Variants in SDK1 observed in about 807,000 individuals in gnomAD.
SDK1 encodes protein sidekick-1.
SDK1 carries 157 observed loss-of-function variants against 245.5 expected under a neutral mutation model. That is an observed-to-expected ratio of 0.64 (90% CI 0.56 to 0.73). The LOEUF is 0.73. SDK1 is among the 30% of genes least tolerant of loss of function. SDK1 has a pLI of 0.00. For missense variants in SDK1, 3,583 were observed against 3,002.3 expected (o/e 1.19, Z -4.52); for synonymous variants, 1,647 against 1,278.5 (o/e 1.29, Z -6.15).
At chr7:4,248,417 A>G (rs1787053417) in intron 44 of SDK1, among the ~76,000 whole-genome samples, 1 of 151,996 alleles carries the variant, frequency 6.6e-6, no homozygotes, top group Admixed American at 6.6e-5. Context: ...ACATACACAC[A>G]TGCACACACG....
At chr7:4,034,338 T>G (rs972332657) in intron 17 of SDK1, among the ~76,000 whole-genome samples, 2 of 152,150 alleles carry the variant, frequency 1.3e-5, no homozygotes, top group Non-Finnish European at 2.9e-5. Flanking sequence ...AAACCGTAGA[T>G]TAGATGGCAG....
intron 1 of SDK1, among the ~76,000 whole-genome samples, chr7:3,553,954 G>C (rs1307998954): frequency 1.3e-5 from 2 of 152,178 alleles, no homozygotes; most frequent in Non-Finnish European, 2.9e-5. Context: ...CGGGCACAAA[G>C]AATGCTGCAA....
chr7:4,001,349 C>T (rs774061462), intron 14 of SDK1, among the ~76,000 whole-genome samples: 2 of 152,236 alleles, frequency 1.3e-5, no homozygotes, highest in Non-Finnish European at 2.9e-5. Context: ...CCTGCCCCTT[C>T]TCTGGAGGGA....
At chr7:4,074,191 C>A (rs1021254750) in intron 20 of SDK1, among the ~76,000 whole-genome samples, 1 of 152,006 alleles carries the variant, frequency 6.6e-6, no homozygotes, top group Non-Finnish European at 1.5e-5. Context: ...AGTAAACTTT[C>A]ATCTTAGACT....
At chr7:3,917,786 C>T (rs946153156) in intron 5 of SDK1, among the ~76,000 whole-genome samples, 1 of 151,762 alleles carries the variant, frequency 6.6e-6, no homozygotes, top group Non-Finnish European at 1.5e-5. Context: ...CTGCTACATA[C>T]ATGCACATTA....
chr7:3,857,104 G>A (rs1423275039), intron 5 of SDK1, among the ~76,000 whole-genome samples: 1 of 152,054 alleles, frequency 6.6e-6, no homozygotes, highest in African/African-American at 2.4e-5. Context: ...ATTACTCTTA[G>A]TCACCTGGGT....
intron 35 of SDK1, among the ~76,000 whole-genome samples, chr7:4,205,392 C>T (rs1784159711): frequency 6.6e-6 from 1 of 152,118 alleles, no homozygotes; most frequent in South Asian, 2.1e-4. Context: ...GCCGATAGAG[C>T]CGCAGTGACC....
chr7:3,639,129 G>A lies in SDK1; in HGVS notation c.565+19G>A. 1.4e-6 allele frequency: 2 copies of A among 1,425,256 alleles called. No homozygotes were observed. The highest frequency in any genetic ancestry group is 1.9e-6 in the Non-Finnish European group (2 of 1,026,144). 88.3% of individuals were successfully genotyped at this position (1,425,256 alleles called of 1,614,324 possible). A position where few individuals can be genotyped will look rare whatever the true frequency, so the allele number is the denominator to read the frequency against. On this transcript the variant is annotated intron_variant, in intron 3 of 44. Transcript: ENST00000404826. ...GTCGCATGTATGTGTACAGTAAGGAGATGTCCAAATGTTAAAGAACAAAGT... is the reference window on the plus strand; with the variant it reads ...GTCGCATGTATGTGTACAGTAAGGAAATGTCCAAATGTTAAAGAACAAAGT...
intron 1 of SDK1, among the ~76,000 whole-genome samples, chr7:3,344,052 T>G (rs982300588): frequency 2.7e-5 from 4 of 148,930 alleles, no homozygotes; most frequent in Admixed American, 6.7e-5. Context: ...AATGCATGTA[T>G]ATTTTCACTA....
At chr7:3,336,199 C>A (rs1246511613) in intron 1 of SDK1, among the ~76,000 whole-genome samples, 2 of 152,184 alleles carry the variant, frequency 1.3e-5, no homozygotes, top group Non-Finnish European at 2.9e-5. Flanking sequence ...TCCTCCCTTC[C>A]CAGGCTTCGA....
intron 33 of SDK1, among the ~76,000 whole-genome samples, chr7:4,175,407 C>A (rs1282094256): frequency 6.6e-6 from 1 of 152,226 alleles, no homozygotes; most frequent in Non-Finnish European, 1.5e-5. Context: ...CTCCTCCAGC[C>A]GGGGCTCCCT....
At chr7:3,334,070 A>G (rs1011085937) in intron 1 of SDK1, among the ~76,000 whole-genome samples, 3 of 152,138 alleles carry the variant, frequency 2.0e-5, no homozygotes. Flanking sequence ...GGACCATACC[A>G]TTTGTGTTTT....
intron 14 of SDK1, among the ~76,000 whole-genome samples, chr7:4,008,442 G>A (rs1022195511): frequency 2.6e-5 from 4 of 152,368 alleles, no homozygotes; most frequent in Middle Eastern, 3.4e-3. Flanking sequence ...AAAGGGGCAC[G>A]AGAGCCTTTA....
intron 4 of SDK1, among the ~76,000 whole-genome samples, chr7:3,776,821 T>C (rs371677060): frequency 6.6e-6 from 1 of 152,212 alleles, no homozygotes; most frequent in African/African-American, 2.4e-5. Context: ...ACCTTGGTTT[T>C]GTTACAGTGA....
intron 1 of SDK1, among the ~76,000 whole-genome samples, chr7:3,536,814 A>G (rs1035385071): frequency 2.0e-5 from 3 of 152,232 alleles, no homozygotes; most frequent in African/African-American, 7.2e-5. Context: ...TGTGTATTTA[A>G]TATTTTTAAC....
At chr7:3,601,691 T>C (rs192140323) in intron 1 of SDK1, among the ~76,000 whole-genome samples, 4 of 152,068 alleles carry the variant, frequency 2.6e-5, no homozygotes, top group African/African-American at 9.6e-5. Flanking sequence ...TATTTTATTA[T>C]TATACTTTAA....
intron 5 of SDK1, among the ~76,000 whole-genome samples, chr7:3,939,492 A>G (rs535934805): frequency 6.6e-6 from 1 of 152,298 alleles, no homozygotes; most frequent in Non-Finnish European, 1.5e-5. Flanking sequence ...TAGAAAGGAA[A>G]TCACAGTGTA....
chr7:3,680,015 A>AC (rs1189261705), intron 4 of SDK1, among the ~76,000 whole-genome samples: 3 of 151,810 alleles, frequency 2.0e-5, no homozygotes, highest in Admixed American at 6.6e-5. Flanking sequence ...GAGATTAGTA[A>AC]AAAAATCAGA....
intron 1 of SDK1, among the ~76,000 whole-genome samples, chr7:3,511,650 A>G (rs1281327404): frequency 6.6e-6 from 1 of 152,056 alleles, no homozygotes; most frequent in Non-Finnish European, 1.5e-5. Flanking sequence ...AAGTGGTAGT[A>G]TTTACCAATT....
Sources: gnomAD v4.1 joint callset for allele counts (sites outside exome capture counted in the v4.1 genomes callset) on GRCh38, gnomAD v4.1.1 for gene constraint, MANE v1.5 for transcripts, NCBI Gene and HGNC (gene_info 2026-07-23, HGNC 2026-07-21) for gene names.